TRIM50: variants seen among roughly 807,000 people sequenced by gnomAD.
TRIM50 encodes the protein E3 ubiquitin-protein ligase TRIM50.
In TRIM50, 34 loss-of-function variants were observed where a neutral mutation model predicts 44.9. The ratio of observed to expected loss-of-function variants is 0.76; its 90% CI spans 0.58 to 1.01. The LOEUF (loss-of-function observed/expected upper bound fraction) is 1.01. Among genes scored for constraint, TRIM50 ranks in the 50% least tolerant of loss-of-function variants. The probability of loss-of-function intolerance (pLI) is 0.00; values close to 1 mark genes in which losing one functional copy is unlikely to be tolerated. For missense variants in TRIM50, 633 were observed against 663.7 expected (o/e 0.95, Z 0.51); for synonymous variants, 307 against 291.1 (o/e 1.05, Z -0.56).
Position 73,313,203 on chromosome 7 carries a change from C to T in TRIM50, c.1182G>A (p.Val394=), listed in dbSNP as rs1554543385. 1 of 1,590,870 alleles carries T rather than the reference C, an allele frequency of 6.3e-7. No homozygotes were observed. Among genetic ancestry groups the T allele is most frequent in the Non-Finnish European group, 8.6e-7 (1 of 1,169,098 alleles). The change falls in exon 7 of 7, where the codon GTG becomes GTA. Residue 394 remains valine, a synonymous_variant. Coordinates refer to ENST00000333149, the MANE Select transcript of TRIM50 (RefSeq NM_178125.3). This position sits in a 1 kb window ranked among gnomAD's most constrained non-coding sequence, Gnocchi z 4.9. The part of the protein sequence containing the change: ...VWLIGLKEGR[V]YEAFACPRVP... ...CCCGGGGGCAGGCAAAGGCTTCGTACACCCGGCCCTCCTTCAGGCCGATCA... is the reference window on the plus strand; with the variant it reads ...CCCGGGGGCAGGCAAAGGCTTCGTATACCCGGCCCTCCTTCAGGCCGATCA...
At chr7:73,320,002 C>T (rs1276330924) in intron 3 of TRIM50, 145 bp downstream of exon 3, 7 of 1,407,122 alleles carry the variant, frequency 5.0e-6, no homozygotes, top group Non-Finnish European at 7.0e-6. Flanking sequence ...AGGATTTGCG[C>T]TTTCCCCACC....
chr7:73,322,145 C>A (rs1386675260), intron 2 of TRIM50, among the ~76,000 whole-genome samples: 3 of 152,016 alleles, frequency 2.0e-5, no homozygotes, highest in African/African-American at 7.2e-5. Context: ...GTCAGGAGAT[C>A]GAGACCATCC....
Position 73,324,566 on chromosome 7 carries a change from C to T in TRIM50, c.222G>A (p.Val74=). 3.7e-6 allele frequency: 6 copies of T among 1,614,164 alleles called. No homozygotes were observed. The highest frequency in any genetic ancestry group is 5.1e-6 in the Non-Finnish European group (6 of 1,180,016). Residue 74 remains valine, a synonymous_variant, in exon 2 of 7, where the codon GTG becomes GTA. Coordinates refer to ENST00000333149, the MANE Select transcript of TRIM50 (RefSeq NM_178125.3). ...SSLPNVSLAR[V]IEALRLPGDP... ...CCCCAGGGAGCCTCAGGGCTTCGATCACCCTGGCCAGGGAGACGTTGGGCA... is the reference window on the plus strand; with the variant it reads ...CCCCAGGGAGCCTCAGGGCTTCGATTACCCTGGCCAGGGAGACGTTGGGCA...
chr7:73,318,009 TC>T lies in TRIM50; in HGVS notation c.749+677del, dbSNP rs1804399887. On this transcript the variant is annotated intron_variant, in intron 5 of 6. Transcript: ENST00000333149. ...CTCATAACCAGAGTCCACATGCCACTCCCCCTTTTACAGGACCGTTTCCTCG... is the reference window on the plus strand; with the variant it reads ...CTCATAACCAGAGTCCACATGCCACTCCCCTTTTACAGGACCGTTTCCTCG... 2.6e-5 allele frequency among the ~76,000 whole-genome samples: 4 copies of T among 152,160 alleles called. No individual in the cohort carries two copies. In the South Asian group the frequency reaches 8.3e-4, roughly 32 times the overall value.
chr7:73,318,607 C>T (rs1192685146), intron 5 of TRIM50, 80 bp downstream of exon 5: 28 of 1,610,702 alleles, frequency 1.7e-5, no homozygotes, highest in East Asian at 6.7e-5. Context: ...CTGGTTAAAC[C>T]GAATGGAGGA....
rs1554544836 is a variant in TRIM50 at position 73,320,162 on chromosome 7, G to A, written c.480C>T (p.Asn160=). 1 of 1,614,012 alleles carries A rather than the reference G, an allele frequency of 6.2e-7. No individual in the cohort carries two copies. Among genetic ancestry groups the A allele is most frequent in the East Asian group, 2.2e-5 (1 of 44,886 alleles). Residue 160 remains asparagine (N), a synonymous_variant, in exon 3 of 7, where the codon AAC becomes AAT. Transcript: ENST00000333149. ...GGGCACTCACGACGATTCGGGTCCGGTTGTTCACCAGTTTGGCGATGAGCT... is the reference window on the plus strand; with the variant it reads ...GGGCACTCACGACGATTCGGGTCCGATTGTTCACCAGTTTGGCGATGAGCT... The part of the protein sequence containing the change: ...VDELIAKLVN[N]RTRIVNESDV...
At chr7:73,325,948 C>T (rs1158745323) in intron 1 of TRIM50, among the ~76,000 whole-genome samples, 1 of 152,198 alleles carries the variant, frequency 6.6e-6, no homozygotes, top group Non-Finnish European at 1.5e-5. Flanking sequence ...AGTGCAGTGG[C>T]GTGGTCATAG....
chr7:73,326,300 G>A (rs1804624673), intron 1 of TRIM50, among the ~76,000 whole-genome samples: 2 of 150,746 alleles, frequency 1.3e-5, no homozygotes, highest in South Asian at 2.1e-4. Context: ...CAGGGGTCTC[G>A]CTTTGTTGCC....
Position 73,320,195 on chromosome 7 carries a change from C to T in TRIM50, c.447G>A (p.Lys149=), listed in dbSNP as rs782044834. 1.4e-5 allele frequency: 22 copies of T among 1,613,872 alleles called. No homozygotes were observed. Among genetic ancestry groups the T allele is most frequent in the Non-Finnish European group, 1.9e-5 (22 of 1,179,882 alleles). The stretch of plus-strand genomic sequence containing the variant: ...CCAGTTTGGCGATGAGCTCATCCAC[C>T]TTTTTCTGCTCCTGCTTCAGCTCAG... ...LISELKQEQK[K]VDELIAKLVN... is the part of the protein sequence containing the mutation. The change falls in exon 3 of 7, where the codon AAG becomes AAA. Residue 149 remains lysine, a synonymous_variant. Coordinates refer to ENST00000333149, the MANE Select transcript of TRIM50 (RefSeq NM_178125.3).
Position 73,328,068 on chromosome 7 carries a change from G to A in TRIM50, c.-187C>T, listed in dbSNP as rs1804686715. On this transcript the variant is annotated 5_prime_UTR_variant, in exon 1 of 7. Coordinates refer to ENST00000333149, the MANE Select transcript of TRIM50 (RefSeq NM_178125.3). ...TGCCCCGCCTCGCGCTACCGCGCGT[G>A]CCCCATCATGCTCTGCGCGCTCCCA... 1.2e-6 allele frequency: 1 copy of A among 862,238 alleles called. No individual in the cohort carries two copies. The highest frequency in any genetic ancestry group is 1.8e-6 in the Non-Finnish European group (1 of 549,482). The allele number at this position is 862,238 out of a possible 1,614,324, so 53.4% of individuals were successfully genotyped here.
intron 6 of TRIM50, 32 bp downstream of exon 6, chr7:73,316,533 C>G: frequency 1.2e-6 from 2 of 1,612,398 alleles, no homozygotes; most frequent in African/African-American, 2.7e-5. Context: ...TGGGCGGCAG[C>G]CCTCAGGAAG....
intron 5 of TRIM50, among the ~76,000 whole-genome samples, chr7:73,318,221 TG>T (rs1410413609): frequency 6.6e-6 from 1 of 152,186 alleles, no homozygotes; most frequent in Non-Finnish European, 1.5e-5. Flanking sequence ...ATCAAACTTC[TG>T]GGCTCAAGCA....
At position 73,313,190 on chromosome 7, in the gene TRIM50, C is replaced by G. The variant is rs782457251; in HGVS notation, c.1195G>C (p.Ala399Pro). ...ACGGGCAGGGGTACCCGGGGGCAGGCAAAGGCTTCGTACACCCGGCCCTCC... is the reference window on the plus strand; with the variant it reads ...ACGGGCAGGGGTACCCGGGGGCAGGGAAAGGCTTCGTACACCCGGCCCTCC... ...LKEGRVYEAF[A>P]CPRVPLPVAG... The change falls in exon 7 of 7, where the codon GCC becomes CCC. Residue 399 changes from alanine (A) to proline (P), a missense_variant. Physicochemically the swap from Ala to Pro is conservative, Grantham distance 27 (BLOSUM62 -1). Transcript: ENST00000333149. The surrounding 1 kb of genome is among the most constrained non-coding windows in gnomAD (Gnocchi z 4.9). 1.3e-6 allele frequency: 2 copies of G among 1,589,324 alleles called. No individual in the cohort carries two copies. Among genetic ancestry groups the G allele is most frequent in the Admixed American group, 1.8e-5 (1 of 55,866 alleles).
intron 1 of TRIM50, among the ~76,000 whole-genome samples, chr7:73,327,530 C>T (rs1554546412): frequency 2.0e-5 from 3 of 152,196 alleles, no homozygotes; most frequent in Non-Finnish European, 4.4e-5. Flanking sequence ...GGCCTAAATT[C>T]TCTAGAACAC....
At position 73,324,449 on chromosome 7, in the gene TRIM50, C is replaced by A. The variant is rs1437579893; in HGVS notation, c.339G>T (p.Leu113=). 5 of 1,613,530 alleles carry A rather than the reference C, an allele frequency of 3.1e-6. No homozygotes were observed. Among genetic ancestry groups the A allele is most frequent in the Non-Finnish European group, 3.4e-6 (4 of 1,180,030 alleles). ...DQELICGLCG[L]LGSHQHHPVT... ...CCGGGTGGTGTTGGTGGGAGCCCAG[C>A]AGACCGCAGAGGCCACAGATGAGCT... Residue 113 remains leucine, a synonymous_variant, in exon 2 of 7, where the codon CTG becomes CTT. Transcript: ENST00000333149.
rs1554543509 is a variant in TRIM50 at position 73,313,373 on chromosome 7, C to G, written c.1012G>C (p.Val338Leu). 1 of 1,595,020 alleles carries G rather than the reference C, an allele frequency of 6.3e-7. No homozygotes were observed. The highest frequency in any genetic ancestry group is 2.3e-5 in the East Asian group (1 of 44,044). ...CAGGAGAAGCCGCGGCTGGCCAGGACGCAGGTGCTGTAGTCGAAGCGCTCA... is the reference window on the plus strand; with the variant it reads ...CAGGAGAAGCCGCGGCTGGCCAGGAGGCAGGTGCTGTAGTCGAAGCGCTCA... ...QPERFDYSTCVLASRGFSCGR... is the reference protein window; with the variant it reads ...QPERFDYSTCLLASRGFSCGR... The change falls in exon 7 of 7, where the codon GTC (valine) becomes CTC (leucine). Residue 338 changes from valine (V) to leucine (L), a missense_variant. Transcript: ENST00000333149. The surrounding 1 kb of genome is among the most constrained non-coding windows in gnomAD (Gnocchi z 4.9).
chr7:73,324,256 T>G, intron 2 of TRIM50, 133 bp downstream of exon 2: 1 of 1,498,552 alleles, frequency 6.7e-7, no homozygotes, highest in Non-Finnish European at 9.0e-7. Context: ...CGCTAAGGAA[T>G]GAATGCGCCA....
chr7:73,324,837 C>T (rs782296859), intron 1 of TRIM50, 32 bp from the exon 2 acceptor site: 1 of 1,610,242 alleles, frequency 6.2e-7, no homozygotes, highest in Non-Finnish European at 8.5e-7. Context: ...TCAGTCCTGT[C>T]CCCTCCCCTC....
rs141608870 is a variant in TRIM50 at position 73,317,547 on chromosome 7, G to A, written c.750-858C>T. On this transcript the variant is annotated intron_variant, in intron 5 of 6. Transcript: ENST00000333149. Reference sequence around the variant, plus strand: ...TAATTTTTGTATTTTTCATAGAGACGGGGTTTCACCATGTTGGCTGGGCTG... The same window carrying A: ...TAATTTTTGTATTTTTCATAGAGACAGGGTTTCACCATGTTGGCTGGGCTG... 3.5e-3 allele frequency among the ~76,000 whole-genome samples: 536 copies of A among 151,634 alleles called. 1 individual carries two copies. Among genetic ancestry groups the A allele is most frequent in the Non-Finnish European group, 5.9e-3 (401 of 67,884 alleles).
Sources: gnomAD v4.1 joint callset for allele counts (sites outside exome capture counted in the v4.1 genomes callset) on GRCh38, gnomAD v4.1.1 for gene constraint, Gnocchi (gnomAD v3.1) non-coding constraint, MANE v1.5 for transcripts, NCBI Gene and HGNC (gene_info 2026-07-23, HGNC 2026-07-21) for gene names.